The following DLGAP2 variants were observed in gnomAD, a reference collection of about 807,000 sequenced individuals.
The protein encoded by DLGAP2 is disks large-associated protein 2.
A neutral mutation model predicts 100.3 loss-of-function variants in DLGAP2; 26 were observed. The ratio of observed to expected loss-of-function variants is 0.26; its 90% CI spans 0.19 to 0.36. DLGAP2 has a LOEUF of 0.36. DLGAP2 is among the 10% of genes least tolerant of loss of function. The pLI, the probability that DLGAP2 is intolerant of heterozygous loss-of-function variation, is 1.00. For synonymous variants in DLGAP2, 886 were observed against 630.1 expected (o/e 1.41, Z -6.08); for missense variants, 1,858 against 1,453.2 (o/e 1.28, Z -4.53).
At chr8:1,304,793 T>G (rs1800451294) in intron 3 of DLGAP2, among the ~76,000 whole-genome samples, 1 of 152,192 alleles carries the variant, frequency 6.6e-6, no homozygotes, top group African/African-American at 2.4e-5. Flanking sequence ...TGTAAATCCA[T>G]ATTTTGTGGA....
Position 1,552,975 on chromosome 8 carries a change from T to G in DLGAP2, c.1230+3292T>G, listed in dbSNP as rs187560296. Among the ~76,000 whole-genome samples the G allele has an allele frequency of 1.8e-4, 27 of 152,296 alleles. No homozygotes were observed. In the East Asian group the frequency reaches 5.0e-3, roughly 28 times the overall value. The stretch of plus-strand genomic sequence containing the variant: ...CTAAGGTCAAACTTTTCATGAGCAT[T>G]GTAGGAATGCAGAACGGATTCGCCG... On this transcript the variant is annotated intron_variant, in intron 5 of 14. Coordinates refer to ENST00000637795, the MANE Select transcript of DLGAP2 (RefSeq NM_001346810.2).
intron 6 of DLGAP2, among the ~76,000 whole-genome samples, chr8:1,605,501 C>T (rs528925231): frequency 4.9e-4 from 74 of 152,244 alleles, no homozygotes; most frequent in African/African-American, 1.2e-3. Context: ...CTAGTGAGTG[C>T]GGCCTGTCCT....
At chr8:1,457,951 T>A in intron 3 of DLGAP2, among the ~76,000 whole-genome samples, 1 of 141,266 alleles carries the variant, frequency 7.1e-6, no homozygotes. Flanking sequence ...GCTAAACTCC[T>A]GTCAATTGTC....
At chr8:1,230,984 C>T (rs1390722875) in intron 2 of DLGAP2, among the ~76,000 whole-genome samples, 6 of 152,116 alleles carry the variant, frequency 3.9e-5, no homozygotes, top group African/African-American at 9.7e-5. Context: ...AAAGCAACTG[C>T]AACAAAAACA....
chr8:1,473,699 G>A (rs1798860096), intron 3 of DLGAP2, among the ~76,000 whole-genome samples: 1 of 152,170 alleles, frequency 6.6e-6, no homozygotes. Flanking sequence ...AATCTCCACT[G>A]TTGTGGGAGG....
intron 13 of DLGAP2, among the ~76,000 whole-genome samples, chr8:1,692,551 C>G (rs1019456697): frequency 1.1e-4 from 16 of 152,132 alleles, no homozygotes; most frequent in African/African-American, 3.9e-4. Context: ...CGCGGCGTGA[C>G]ACTGTGTCTT....
At chr8:1,275,601 C>T (rs373146473) in intron 3 of DLGAP2, among the ~76,000 whole-genome samples, 4 of 150,386 alleles carry the variant, frequency 2.7e-5, no homozygotes, top group African/African-American at 9.8e-5. Flanking sequence ...TAATGCAAAA[C>T]CTCTATTTGT....
intron 2 of DLGAP2, among the ~76,000 whole-genome samples, chr8:1,085,283 T>TTGCAAATA (rs1235761109): frequency 6.6e-6 from 1 of 152,346 alleles, no homozygotes; most frequent in East Asian, 1.9e-4. Context: ...GATGTATGGC[T>TTGCAAATA]TGCAAATATT....
chr8:1,064,258 T>A (rs1414977279), intron 2 of DLGAP2, among the ~76,000 whole-genome samples: 1 of 152,240 alleles, frequency 6.6e-6, no homozygotes, highest in Non-Finnish European at 1.5e-5. Context: ...AACTTATTTA[T>A]GGTTAAAACA....
chr8:1,368,350 T>C (rs1034239015), intron 3 of DLGAP2, among the ~76,000 whole-genome samples: 2 of 151,838 alleles, frequency 1.3e-5, no homozygotes, highest in Non-Finnish European at 2.9e-5. Flanking sequence ...TGCATGCGTG[T>C]GTATATATGT....
At chr8:953,009 A>G (rs1799516449) in intron 2 of DLGAP2, among the ~76,000 whole-genome samples, 1 of 152,166 alleles carries the variant, frequency 6.6e-6, no homozygotes, top group South Asian at 2.1e-4. Flanking sequence ...TGCACTGGTC[A>G]TTTGGAAATT....
At chr8:1,167,575 A>C (rs1343124501) in intron 2 of DLGAP2, among the ~76,000 whole-genome samples, 7 of 152,182 alleles carry the variant, frequency 4.6e-5, no homozygotes, top group Non-Finnish European at 1.0e-4. Flanking sequence ...AGATGATCAT[A>C]AGTGGCCCAC....
intron 3 of DLGAP2, among the ~76,000 whole-genome samples, chr8:1,478,492 C>G (rs1447154747): frequency 6.6e-6 from 1 of 152,248 alleles, no homozygotes; most frequent in Non-Finnish European, 1.5e-5. Flanking sequence ...TCTGGCCACT[C>G]TTGCTCCACA....
intron 3 of DLGAP2, among the ~76,000 whole-genome samples, 177 bp downstream of exon 3, chr8:1,259,060 T>G (rs774834234): frequency 6.6e-6 from 1 of 152,238 alleles, no homozygotes; most frequent in South Asian, 2.1e-4. Context: ...AAGGTGAGCG[T>G]TAGGACTCAG....
chr8:1,064,878 C>G (rs1313008885), intron 2 of DLGAP2, among the ~76,000 whole-genome samples: 2 of 152,300 alleles, frequency 1.3e-5, no homozygotes, highest in East Asian at 1.9e-4. Flanking sequence ...CCTGCACACA[C>G]CTAATGTGGA....
intron 2 of DLGAP2, among the ~76,000 whole-genome samples, chr8:1,041,983 T>A (rs1277025256): frequency 6.6e-6 from 1 of 152,200 alleles, no homozygotes; most frequent in African/African-American, 2.4e-5. Context: ...GGATTTCTTC[T>A]GGCTCGGCTG....
chr8:1,136,692 C>T (rs916300895), intron 2 of DLGAP2, among the ~76,000 whole-genome samples: 1 of 152,180 alleles, frequency 6.6e-6, no homozygotes, highest in African/African-American at 2.4e-5. Flanking sequence ...CCCCCAGCTT[C>T]GTGCCTGAAG....
intron 3 of DLGAP2, among the ~76,000 whole-genome samples, chr8:1,360,301 G>T (rs1411296131): frequency 4.8e-5 from 3 of 62,040 alleles, no homozygotes; most frequent in African/African-American, 1.5e-4. Context: ...TCTCCGGGGC[G>T]GGGCTTCTCC....
At chr8:1,692,994 C>T (rs1031471060) in intron 13 of DLGAP2, among the ~76,000 whole-genome samples, 2 of 147,754 alleles carry the variant, frequency 1.4e-5, no homozygotes, top group Admixed American at 6.8e-5. Flanking sequence ...TAGATGTATA[C>T]AAGATTATAA....
Sources: gnomAD v4.1 joint callset for allele counts (sites outside exome capture counted in the v4.1 genomes callset) on GRCh38, gnomAD v4.1.1 for gene constraint, MANE v1.5 for transcripts, NCBI Gene and HGNC (gene_info 2026-07-23, HGNC 2026-07-21) for gene names.